The following CASD1 variants were observed in gnomAD, a reference collection of about 807,000 sequenced individuals.
The protein encoded by CASD1 is CAS1 domain sialic acid O acetyltransferase 1.
A neutral mutation model predicts 100.0 loss-of-function variants in CASD1; 41 were observed. That is an observed-to-expected ratio of 0.41 (90% CI 0.32 to 0.53). The LOEUF is 0.53. CASD1 is among the 20% of genes least tolerant of loss of function. The pLI is 0.25. For missense variants in CASD1, 774 were observed against 948.7 expected (o/e 0.82, Z 2.42); for synonymous variants, 321 against 315.6 (o/e 1.02, Z -0.18).
chr7:94,600,161 A>G, the CASD1 span: 2 of 184,646 alleles, frequency 1.1e-5, no homozygotes, highest in African/African-American at 2.4e-5. Context: ...TACTCAAATT[A>G]TACCTTATTT....
At chr7:94,511,154 A>C (rs1406687865) in intron 1 of CASD1, among the ~76,000 whole-genome samples, 1 of 152,206 alleles carries the variant, frequency 6.6e-6, no homozygotes, top group African/African-American at 2.4e-5. Flanking sequence ...GAAATTAATA[A>C]TGATAGGATC....
Position 94,549,585 on chromosome 7 carries a change from T to C in CASD1, c.1766T>C (p.Leu589Pro). ...SLWPLSKCFE[L>P]KGNVYEWWFR... is the part of the protein sequence containing the mutation. ...TGGCCATTGTCCAAGTGTTTTGAAC[T>C]GAAAGGGAATGTATATGAATGGTGG... is the stretch of plus-strand genomic sequence containing the variant. Residue 589 changes from leucine (L) to proline (P), a missense_variant, in exon 14 of 18, where the codon CTG (leucine) becomes CCG (proline). Leu to Pro is a moderately conservative substitution (Grantham distance 98, BLOSUM62 -3). This residue lies in a region of CASD1 where 453 missense variants were observed against 532.6 expected (regional missense o/e 0.85). Transcript: ENST00000297273. 6.2e-7 allele frequency: 1 copy of C among 1,611,352 alleles called. No individual in the cohort carries two copies. The highest frequency in any genetic ancestry group is 8.5e-7 in the Non-Finnish European group (1 of 1,178,492).
At chr7:94,588,633 T>C in the CASD1 span, 1 of 1,557,796 alleles carries the variant, frequency 6.4e-7, no homozygotes, top group Middle Eastern at 1.9e-4. Flanking sequence ...GCCATAATTA[T>C]CTTTTAATCT....
At chr7:94,567,803 C>G in the CASD1 span, among the ~76,000 whole-genome samples, 1 of 152,106 alleles carries the variant, frequency 6.6e-6, no homozygotes, top group Non-Finnish European at 1.5e-5. Flanking sequence ...TATTTTTCCT[C>G]TACAATTCCT....
intron 7 of CASD1, among the ~76,000 whole-genome samples, chr7:94,535,010 G>A (rs1173297002): frequency 6.6e-6 from 1 of 152,148 alleles, no homozygotes; most frequent in Non-Finnish European, 1.5e-5. Flanking sequence ...ATCCAAAAAT[G>A]TTAAACTCTT....
chr7:94,631,644 T>A, the CASD1 span, among the ~76,000 whole-genome samples: 2 of 151,874 alleles, frequency 1.3e-5, no homozygotes, highest in African/African-American at 4.8e-5. Context: ...TACTGGATAC[T>A]GTGGGGGCCT....
the CASD1 span, among the ~76,000 whole-genome samples, chr7:94,574,514 A>C: frequency 6.6e-6 from 1 of 152,088 alleles, no homozygotes; most frequent in Admixed American, 6.5e-5. Context: ...GTTTGTGTGC[A>C]TAGAGGTATT....
chr7:94,581,497 CTAGA>C, the CASD1 span, among the ~76,000 whole-genome samples: 1 of 152,120 alleles, frequency 6.6e-6, no homozygotes, highest in Non-Finnish European at 1.5e-5. Context: ...CCAGCACCTA[CTAGA>C]TATTCTTCCT....
At chr7:94,562,175 C>T in the CASD1 span, among the ~76,000 whole-genome samples, 1 of 152,100 alleles carries the variant, frequency 6.6e-6, no homozygotes, top group Non-Finnish European at 1.5e-5. Flanking sequence ...TTTATGTTTG[C>T]CGATAAGAAG....
chr7:94,630,192 G>A, the CASD1 span, among the ~76,000 whole-genome samples: 1 of 151,664 alleles, frequency 6.6e-6, no homozygotes, highest in Non-Finnish European at 1.5e-5. Context: ...TACATCATGA[G>A]AACTGACCAG....
the CASD1 span, chr7:94,629,877 C>A: frequency 1.2e-6 from 2 of 1,607,698 alleles, no homozygotes; most frequent in African/African-American, 2.7e-5. Flanking sequence ...GACAGAAAGA[C>A]AAATAATGAG....
Position 94,555,478 on chromosome 7 carries a change from A to T in CASD1, c.2128-14A>T. On this transcript the variant is annotated splice_polypyrimidine_tract_variant and intron_variant, in intron 17 of 17. Coordinates refer to ENST00000297273, the MANE Select transcript of CASD1 (RefSeq NM_022900.5). ...CCCTCTATAAATATCTGACTTAAAT[A>T]TTTTTTCTCCTAGCTATTTATTTGC... The T allele has an allele frequency of 6.2e-7, 1 of 1,608,208 alleles. No individual in the cohort carries two copies.
At chr7:94,615,125 C>T in the CASD1 span, among the ~76,000 whole-genome samples, 3 of 152,120 alleles carry the variant, frequency 2.0e-5, no homozygotes, top group Non-Finnish European at 4.4e-5. Flanking sequence ...CTCTGGGAGG[C>T]CAAGGCGGGT....
chr7:94,601,836 T>G, the CASD1 span, among the ~76,000 whole-genome samples: 596 of 152,246 alleles, frequency 3.9e-3, 5 homozygotes, highest in African/African-American at 0.014. Flanking sequence ...CTTGTGCTTA[T>G]TTTTGGGGGG....
chr7:94,601,460 A>C, the CASD1 span, among the ~76,000 whole-genome samples: 116 of 68,924 alleles, frequency 1.7e-3, no homozygotes, highest in Admixed American at 0.017. Flanking sequence ...AAAAAAAAAA[A>C]AAAAAAAAAA....
At position 94,510,232 on chromosome 7, in the gene CASD1, C is replaced by G. The variant is rs1793620278; in HGVS notation, c.133+15C>G. 6.8e-7 allele frequency: 1 copy of G among 1,470,520 alleles called. No individual in the cohort carries two copies. Among genetic ancestry groups the G allele is most frequent in the South Asian group, 1.3e-5 (1 of 76,692 alleles). 91.1% of individuals were successfully genotyped at this position (1,470,520 alleles called of 1,614,324 possible). On this transcript the variant is annotated intron_variant, in intron 1 of 17. Transcript: ENST00000297273. The stretch of plus-strand genomic sequence containing the variant: ...CCGCTACCGAGGTGAGCGGGCCCTC[C>G]CCTCTGCCCGGGCAGGCCGTGGGGG...
At chr7:94,532,655 G>T (rs1794906153) in intron 5 of CASD1, among the ~76,000 whole-genome samples, 1 of 152,120 alleles carries the variant, frequency 6.6e-6, no homozygotes, top group African/African-American at 2.4e-5. Flanking sequence ...ATAATGGGGG[G>T]AAATACTCTA....
At chr7:94,602,689 A>G in the CASD1 span, among the ~76,000 whole-genome samples, 1 of 152,168 alleles carries the variant, frequency 6.6e-6, no homozygotes, top group Non-Finnish European at 1.5e-5. Flanking sequence ...CATATGTAAA[A>G]TATTACACAT....
intron 1 of CASD1, among the ~76,000 whole-genome samples, chr7:94,514,295 T>C (rs868437951): frequency 2.6e-5 from 4 of 152,300 alleles, no homozygotes; most frequent in African/African-American, 9.6e-5. Flanking sequence ...TGATACCTCT[T>C]GTAATGAGAC....
Sources: allele counts gnomAD v4.1 joint callset (sites outside exome capture counted in the v4.1 genomes callset), GRCh38; gene constraint gnomAD v4.1.1; regional missense constraint gnomAD v4.1.1; transcripts MANE v1.5; gene names NCBI Gene and HGNC (gene_info 2026-07-23, HGNC 2026-07-21).